Variants in ZFR observed in about 807,000 individuals in gnomAD.
ZFR encodes zinc finger RNA-binding protein.
Under a neutral mutation model 130.7 loss-of-function variants are expected in ZFR, and 19 were observed. That is an observed-to-expected ratio of 0.15 (90% CI 0.10 to 0.21). ZFR has a LOEUF of 0.21. ZFR is among the 10% of genes least tolerant of loss of function. ZFR has a pLI of 1.00. For missense variants in ZFR, 872 were observed against 1,321.5 expected, an observed-to-expected ratio of 0.66 and a Z score of 5.27; for synonymous variants, 466 against 456.9, an observed-to-expected ratio of 1.02 and a Z score of -0.25.
chr5:32,436,516 G>A (rs1754338837), intron 2 of ZFR, among the ~76,000 whole-genome samples: 1 of 152,044 alleles, frequency 6.6e-6, no homozygotes. Flanking sequence ...CTTGATATAT[G>A]CCAGGCACTG....
In ZFR at chr5:32,404,062, T is replaced by C; in HGVS notation, c.1068A>G (p.Lys356=). The C allele has an allele frequency of 6.2e-7, 1 of 1,612,014 alleles. No homozygotes were observed. The highest frequency in any genetic ancestry group is 1.7e-5 in the Admixed American group (1 of 59,394). The change falls in exon 7 of 20, where the codon AAA becomes AAG. Residue 356 remains lysine, a synonymous_variant. Transcript: ENST00000265069. ...AGGCTTTCAATGCAGCTTCTTTTTT[T>C]TTATGTTTCTGTCCTTCTAAATGTT... ...YKEHLEGQKH[K]KKEAALKASQ...
intron 1 of ZFR, 37 bp downstream of exon 1, chr5:32,444,585 G>A: frequency 6.8e-7 from 1 of 1,468,072 alleles, no homozygotes; most frequent in Non-Finnish European, 9.0e-7. Flanking sequence ...CCAGGGAGGG[G>A]GCCGGGCAGA....
intron 2 of ZFR, among the ~76,000 whole-genome samples, chr5:32,427,471 A>C (rs769955973): frequency 1.3e-5 from 2 of 152,132 alleles, no homozygotes; most frequent in Non-Finnish European, 2.9e-5. Flanking sequence ...AAAACTACAA[A>C]ACACTGCTGA....
chr5:32,433,289 G>A (rs193276585), intron 2 of ZFR, among the ~76,000 whole-genome samples: 2 of 152,218 alleles, frequency 1.3e-5, no homozygotes, highest in East Asian at 1.9e-4. Context: ...GAAAAAGAAT[G>A]ATTAGAAACT....
intron 5 of ZFR, among the ~76,000 whole-genome samples, chr5:32,414,482 C>T (rs115985888): frequency 0.012 from 1,758 of 152,152 alleles, 33 homozygotes; most frequent in African/African-American, 0.041. Context: ...TCTGTTCTTC[C>T]AAAAAAGGTG....
intron 16 of ZFR, chr5:32,379,686 A>G (rs868178227): frequency 1.1e-5 from 2 of 188,984 alleles, no homozygotes; most frequent in Admixed American, 5.5e-5. Flanking sequence ...AAAGAGGGGG[A>G]AAAAAATCTT....
chr5:32,355,565 A>T lies in ZFR; in HGVS notation c.*195T>A, dbSNP rs1752285594. The T allele has an allele frequency of 8.4e-6, 3 of 358,684 alleles. No individual in the cohort carries two copies. The highest frequency in any genetic ancestry group is 4.7e-5 in the East Asian group (1 of 21,266). The allele number at this position is 358,684 out of a possible 1,614,324, so 22.2% of individuals were successfully genotyped here. On this transcript the variant is annotated 3_prime_UTR_variant, in exon 20 of 20. Transcript: ENST00000265069. ...ACTGTTTTCCCCCTAGTCGGAGCACATTTTTTTTTTTGGGTGTCTTTCCAT... is the reference window on the plus strand; with the variant it reads ...ACTGTTTTCCCCCTAGTCGGAGCACTTTTTTTTTTTTGGGTGTCTTTCCAT...
intron 2 of ZFR, among the ~76,000 whole-genome samples, chr5:32,435,315 A>G (rs1174234053): frequency 6.6e-6 from 1 of 152,224 alleles, no homozygotes; most frequent in Admixed American, 6.5e-5. Flanking sequence ...GTGAGATGGG[A>G]AAAAAGCTAA....
chr5:32,384,711 T>C (rs919218029), intron 15 of ZFR, among the ~76,000 whole-genome samples: 2 of 152,150 alleles, frequency 1.3e-5, no homozygotes, highest in African/African-American at 4.8e-5. Flanking sequence ...ACCAACATAC[T>C]GCAGACACTG....
chr5:32,360,517 T>C (rs1752409135), intron 19 of ZFR, among the ~76,000 whole-genome samples: 2 of 152,244 alleles, frequency 1.3e-5, no homozygotes, highest in South Asian at 4.1e-4. Context: ...TTTTAATGTC[T>C]GGCTGAATAA....
chr5:32,364,030 A>G lies in ZFR; in HGVS notation c.2963T>C (p.Leu988Pro), dbSNP rs367948960. The G allele has an allele frequency of 1.9e-6, 3 of 1,614,102 alleles. No individual in the cohort carries two copies. The highest frequency in any genetic ancestry group is 2.2e-5 in the East Asian group (1 of 44,874). Residue 988 changes from leucine to proline, a missense_variant, in exon 19 of 20, where the codon CTG (leucine) becomes CCG (proline). Leu to Pro is a moderately conservative substitution (Grantham distance 98). This residue lies in a region of ZFR where 158 missense variants were observed against 264.0 expected (regional missense o/e 0.60). Transcript: ENST00000265069. ...AAAGGGATCCTTTTCACAAGGATCCAGAAGTCCAGGACTACCTACAGCAAT... is the reference window on the plus strand; with the variant it reads ...AAAGGGATCCTTTTCACAAGGATCCGGAAGTCCAGGACTACCTACAGCAAT... The part of the protein sequence containing the change: ...GIILKGSPGL[L>P]DPCEKDPFDT...
At chr5:32,444,408 G>A in intron 1 of ZFR, 80 bp from the exon 2 acceptor site, 3 of 1,455,990 alleles carry the variant, frequency 2.1e-6, no homozygotes, top group African/African-American at 1.5e-5. Flanking sequence ...AGGGCAGGGA[G>A]AGAAAGAGAG....
At chr5:32,392,471 TAAC>T (rs879821395) in intron 11 of ZFR, among the ~76,000 whole-genome samples, 8 of 152,110 alleles carry the variant, frequency 5.3e-5, no homozygotes, top group Admixed American at 3.9e-4. Flanking sequence ...TTATTAATAA[TAAC>T]AACGTAAGAA....
rs1358428010 is a variant in ZFR at position 32,417,706 on chromosome 5, A to T, written c.507T>A (p.Ala169=). The T allele has an allele frequency of 6.2e-7, 1 of 1,613,908 alleles. No individual in the cohort carries two copies. The highest frequency in any genetic ancestry group is 2.2e-5 in the East Asian group (1 of 44,894). Residue 169 remains alanine (A), a synonymous_variant, in exon 4 of 20, where the codon GCT becomes GCA. Transcript: ENST00000265069. ...QYYQQPTATA[A]AVAAAAQPQP... is the part of the protein sequence containing the mutation. ...GAGGTTGGGCAGCGGCAGCTACAGC[A>T]GCAGCAGTTGCTGTTGGTTGTTGGT... is the stretch of plus-strand genomic sequence containing the variant.
intron 5 of ZFR, among the ~76,000 whole-genome samples, chr5:32,411,706 T>TGGGG (rs1554073332): frequency 0.029 from 481 of 16,618 alleles, 25 homozygotes; most frequent in Middle Eastern, 0.083. Context: ...AAAAAAAAAA[T>TGGGG]TGAGGGGGGG....
chr5:32,361,213 A>T (rs1017572126), intron 19 of ZFR, among the ~76,000 whole-genome samples: 3 of 152,216 alleles, frequency 2.0e-5, no homozygotes, highest in African/African-American at 7.2e-5. Context: ...TCCACATGGG[A>T]ATTTATTGCT....
At chr5:32,360,012 A>G (rs1752396806) in intron 19 of ZFR, among the ~76,000 whole-genome samples, 2 of 152,146 alleles carry the variant, frequency 1.3e-5, no homozygotes, top group African/African-American at 4.8e-5. Flanking sequence ...CTTTCACTAC[A>G]TGACCATGTG....
rs118095182 is a variant in ZFR, at chr5:32,400,985, G to A, written c.1517-782C>T. On this transcript the variant is annotated intron_variant, in intron 8 of 19. Coordinates refer to ENST00000265069, the MANE Select transcript of ZFR (RefSeq NM_016107.5). ...CAGGGAAGGAAACAGAACCAATTTA[G>A]GTTTTATCACTGTTTATTTCCTTTA... is the stretch of plus-strand genomic sequence containing the variant. Among the ~76,000 whole-genome samples, 141 of 152,218 alleles carry A rather than the reference G, an allele frequency of 9.3e-4. 1 individual carries two copies. In the East Asian group the frequency reaches 0.02, roughly 21 times the overall value.
chr5:32,379,033 TA>T, intron 17 of ZFR, 81 bp downstream of exon 17: 2 of 1,035,300 alleles, frequency 1.9e-6, no homozygotes, highest in Non-Finnish European at 2.9e-6. Context: ...ATAAGGCTGA[TA>T]ATTACATGTA....
Sources: allele counts gnomAD v4.1 joint callset (sites outside exome capture counted in the v4.1 genomes callset), GRCh38; gene constraint gnomAD v4.1.1; regional missense constraint gnomAD v4.1.1; transcripts MANE v1.5; gene names NCBI Gene and HGNC (gene_info 2026-07-23, HGNC 2026-07-21).